The following PTGER4 variants were observed in gnomAD, a reference collection of about 807,000 sequenced individuals.
PTGER4 encodes the protein prostaglandin E2 receptor EP4 subtype.
Under a neutral mutation model 33.2 loss-of-function variants are expected in PTGER4, and 11 were observed. The observed-to-expected ratio is 0.33, with a 90% confidence interval of 0.21 to 0.55. The LOEUF (loss-of-function observed/expected upper bound fraction) is 0.55. Among genes scored for constraint, PTGER4 ranks in the 20% least tolerant of loss-of-function variants. The pLI, the probability that PTGER4 is intolerant of heterozygous loss-of-function variation, is 0.92. For synonymous variants in PTGER4, 275 were observed against 281.5 expected, an observed-to-expected ratio of 0.98 and a Z score of 0.23; for missense variants, 481 against 650.2, an observed-to-expected ratio of 0.74 and a Z score of 2.83.
chr5:40,743,748 T>A, the PTGER4 span, among the ~76,000 whole-genome samples: 1 of 152,198 alleles, frequency 6.6e-6, no homozygotes, highest in South Asian at 2.1e-4. Flanking sequence ...CACTCCAGCC[T>A]GGGCAACAGT....
At chr5:40,730,682 T>C in the PTGER4 span, among the ~76,000 whole-genome samples, 10 of 152,288 alleles carry the variant, frequency 6.6e-5, no homozygotes, top group Admixed American at 5.9e-4. Context: ...AGTTCAACAG[T>C]TTTTTGGACT....
chr5:40,708,037 T>C, the PTGER4 span, among the ~76,000 whole-genome samples: 1 of 152,194 alleles, frequency 6.6e-6, no homozygotes, highest in Admixed American at 6.5e-5. Context: ...AAGCAGTGTG[T>C]AGAGGGAAAT....
At chr5:40,734,534 T>C in the PTGER4 span, among the ~76,000 whole-genome samples, 1 of 152,214 alleles carries the variant, frequency 6.6e-6, no homozygotes, top group African/African-American at 2.4e-5. Flanking sequence ...TAATGCCCTA[T>C]ACTGAGGTAA....
chr5:40,728,574 C>T, the PTGER4 span: 2 of 1,185,576 alleles, frequency 1.7e-6, no homozygotes, highest in Non-Finnish European at 2.3e-6. Context: ...ATTTTTAGTC[C>T]AGTAAAAATA....
the PTGER4 span, among the ~76,000 whole-genome samples, chr5:40,739,681 C>T: frequency 7.9e-5 from 12 of 152,122 alleles, no homozygotes; most frequent in Admixed American, 7.9e-4. Context: ...GAGCAGATGC[C>T]AACATTATGC....
the PTGER4 span, among the ~76,000 whole-genome samples, chr5:40,698,821 CA>C: frequency 6.6e-6 from 1 of 152,088 alleles, no homozygotes; most frequent in African/African-American, 2.4e-5. Context: ...GTTTTTCCAG[CA>C]TAAGAAAATA....
the PTGER4 span, among the ~76,000 whole-genome samples, chr5:40,721,240 T>C: frequency 1.7e-3 from 264 of 152,266 alleles, 1 homozygote; most frequent in African/African-American, 6.0e-3. Flanking sequence ...GAGAGGGATA[T>C]TTGGGCTGGA....
chr5:40,724,643 AAAAC>A, the PTGER4 span, among the ~76,000 whole-genome samples: 105 of 152,240 alleles, frequency 6.9e-4, no homozygotes, highest in Non-Finnish European at 1.1e-3. Flanking sequence ...AAAAAAACAA[AAAAC>A]AAACAAACAA....
chr5:40,690,425 C>CAT (rs373089675), intron 2 of PTGER4, among the ~76,000 whole-genome samples: 16 of 152,216 alleles, frequency 1.1e-4, no homozygotes, highest in African/African-American at 3.4e-4. Context: ...ATTCATGCTC[C>CAT]ATTCGCTGAA....
chr5:40,682,676 A>G (rs115437770), intron 2 of PTGER4, among the ~76,000 whole-genome samples: 31 of 152,304 alleles, frequency 2.0e-4, no homozygotes, highest in African/African-American at 7.2e-4. Flanking sequence ...ATTCTCGACA[A>G]CTGTGCGAGG....
the PTGER4 span, among the ~76,000 whole-genome samples, chr5:40,738,246 T>C: frequency 2.0e-5 from 3 of 151,786 alleles, no homozygotes; most frequent in East Asian, 5.8e-4. Context: ...ACCCTGTCTC[T>C]ACTAAAAATT....
chr5:40,697,858 C>A (rs190883241), downstream of PTGER4, among the ~76,000 whole-genome samples: 96 of 150,990 alleles, frequency 6.4e-4, no homozygotes, highest in Non-Finnish European at 3.4e-4. Flanking sequence ...TCAGGTACAG[C>A]GGCTCACACC....
the PTGER4 span, among the ~76,000 whole-genome samples, chr5:40,699,945 T>TA: frequency 6.6e-6 from 1 of 151,938 alleles, no homozygotes; most frequent in African/African-American, 2.4e-5. Flanking sequence ...TACTGAAAGT[T>TA]TAGCAAGTGC....
chr5:40,697,415 G>T (rs1448559762), downstream of PTGER4, among the ~76,000 whole-genome samples: 1 of 151,722 alleles, frequency 6.6e-6, no homozygotes, highest in Non-Finnish European at 1.5e-5. Context: ...GAGAAACCCT[G>T]TCTCTACTAA....
chr5:40,688,841 G>A (rs557379036), intron 2 of PTGER4, among the ~76,000 whole-genome samples: 7 of 152,098 alleles, frequency 4.6e-5, no homozygotes, highest in South Asian at 2.1e-4. Context: ...TTCAAGAGGC[G>A]ATATTACACA....
the PTGER4 span, among the ~76,000 whole-genome samples, chr5:40,739,429 C>A: frequency 6.6e-6 from 1 of 152,154 alleles, no homozygotes; most frequent in Admixed American, 6.5e-5. Context: ...AATCTCATGT[C>A]AAATTGTAAT....
In PTGER4 at chr5:40,682,436, G is replaced by T. The variant is rs1308166722; in HGVS notation, c.867+576G>T. On this transcript the variant is annotated intron_variant, in intron 2 of 2. Coordinates refer to ENST00000302472, the MANE Select transcript of PTGER4 (RefSeq NM_000958.3). ...GTCTAACTCCCTCACTTCACTGAGG[G>T]AGTGAATGATACGCTTAAAATAATC... Among the ~76,000 whole-genome samples the T allele has an allele frequency of 3.3e-5, 5 of 152,162 alleles. No homozygotes were observed. In the East Asian group the frequency reaches 9.6e-4, roughly 29 times the overall value.
chr5:40,708,151 A>C, the PTGER4 span, among the ~76,000 whole-genome samples: 1 of 152,330 alleles, frequency 6.6e-6, no homozygotes, highest in South Asian at 2.1e-4. Flanking sequence ...CACATCCAAA[A>C]GCTAGCAGAA....
the PTGER4 span, among the ~76,000 whole-genome samples, chr5:40,729,739 C>T: frequency 2.6e-5 from 4 of 152,148 alleles, no homozygotes; most frequent in Admixed American, 1.3e-4. Context: ...CGCTGTGTCA[C>T]CCAGGCTGGA....
Sources: allele counts gnomAD v4.1 joint callset (sites outside exome capture counted in the v4.1 genomes callset), GRCh38; gene constraint gnomAD v4.1.1; transcripts MANE v1.5; gene names NCBI Gene and HGNC (gene_info 2026-07-23, HGNC 2026-07-21).